The following SAMMSON variants were observed in gnomAD, a reference collection of about 807,000 sequenced individuals.
SAMMSON encodes long intergenic non-protein coding RNA 1212.
chr3:70,100,525 G>C (rs796722825), intron 4 of SAMMSON, among the ~76,000 whole-genome samples: 1 of 45,522 alleles, frequency 2.2e-5, no homozygotes, highest in African/African-American at 1.1e-4. Flanking sequence ...TGGGGGGGGG[G>C]GGGGGGGGAA....
rs896108734 is a variant in SAMMSON at position 70,126,551 on chromosome 3, A to G, written n.507+54986A>G. ...AAGAGTTCGGTCGGCCGAGGCAGGG[A>G]AAGTGGGGAGGAGCTTGTGCATCCC... On this transcript the variant is annotated intron_variant and non_coding_transcript_variant, in intron 4 of 9. Transcript: ENST00000642114. The G allele has an allele frequency of 5.4e-6, 3 of 551,294 alleles. No individual in the cohort carries two copies. In the African/African-American group the frequency reaches 5.7e-5, roughly 10 times the overall value. The allele number at this position is 551,294 out of a possible 1,614,324, so 34.2% of individuals were successfully genotyped here.
At chr3:70,014,501 C>T (rs970568565) in intron 3 of SAMMSON, 3 of 152,170 alleles carry the variant, frequency 2.0e-5, no homozygotes, top group African/African-American at 7.2e-5. Flanking sequence ...GCAGTCAAAA[C>T]AAAACCATTA....
chr3:70,296,933 G>C (rs1006150234), intron 7 of SAMMSON, among the ~76,000 whole-genome samples: 2 of 151,804 alleles, frequency 1.3e-5, no homozygotes, highest in African/African-American at 4.8e-5. Context: ...AATCCAGTGT[G>C]ATCTGCCTCT....
intron 4 of SAMMSON, among the ~76,000 whole-genome samples, chr3:70,090,757 T>C (rs1280640818): frequency 1.3e-5 from 2 of 150,530 alleles, no homozygotes; most frequent in African/African-American, 4.9e-5. Flanking sequence ...CCTTTCCATG[T>C]CAAATTGCTT....
intron 8 of SAMMSON, among the ~76,000 whole-genome samples, chr3:70,357,022 G>C (rs1381194464): frequency 6.6e-6 from 1 of 152,174 alleles, no homozygotes; most frequent in Non-Finnish European, 1.5e-5. Context: ...AATTAGTAGA[G>C]CCTGTAATCT....
chr3:70,107,704 T>C (rs750823259), intron 4 of SAMMSON, among the ~76,000 whole-genome samples: 2 of 151,662 alleles, frequency 1.3e-5, no homozygotes, highest in Non-Finnish European at 2.9e-5. Flanking sequence ...AAAAGGAAAA[T>C]AGATTTGTCA....
chr3:70,341,601 T>TA (rs1702710681), intron 7 of SAMMSON, among the ~76,000 whole-genome samples: 2 of 152,128 alleles, frequency 1.3e-5, no homozygotes, highest in African/African-American at 4.8e-5. Context: ...TTCCTTCTTA[T>TA]ATAAGAAGAC....
chr3:70,162,183 G>A (rs1217485863), intron 4 of SAMMSON, among the ~76,000 whole-genome samples: 1 of 151,532 alleles, frequency 6.6e-6, no homozygotes, highest in African/African-American at 2.4e-5. Context: ...ACTGCCTTGG[G>A]CTTAATTTCT....
In SAMMSON at chr3:70,024,122, C is replaced by G. The variant is rs530949413; in HGVS notation, n.417+10450C>G. The stretch of plus-strand genomic sequence containing the variant: ...ATTGCACTCTCATTATTCTGTCTGT[C>G]TCATTTCCTCAGTTAGATTGGCAGT... On this transcript the variant is annotated intron_variant and non_coding_transcript_variant, in intron 3 of 9. Coordinates refer to ENST00000642114, the Ensembl canonical transcript of SAMMSON. Among the ~76,000 whole-genome samples, 6 of 152,306 alleles carry G rather than the reference C, an allele frequency of 3.9e-5. No homozygotes were observed. The East Asian group carries it at 1.2e-3, about 29-fold the overall frequency.
intron 2 of SAMMSON, among the ~76,000 whole-genome samples, chr3:70,432,285 T>G (rs1462170581): frequency 6.6e-6 from 1 of 151,904 alleles, no homozygotes; most frequent in Non-Finnish European, 1.5e-5. Flanking sequence ...ACTGTTAATA[T>G]CTCTTCTTTT....
intron 4 of SAMMSON, among the ~76,000 whole-genome samples, chr3:70,231,944 A>T (rs1701563563): frequency 6.6e-6 from 1 of 152,142 alleles, no homozygotes; most frequent in Non-Finnish European, 1.5e-5. Context: ...ACAGTCGTGT[A>T]TTCTTGACAG....
chr3:70,255,860 T>A (rs1701810616), intron 6 of SAMMSON, among the ~76,000 whole-genome samples: 1 of 152,200 alleles, frequency 6.6e-6, no homozygotes, highest in Non-Finnish European at 1.5e-5. Context: ...CTTTAGAAAA[T>A]GCTTTAACTT....
intron 7 of SAMMSON, among the ~76,000 whole-genome samples, chr3:70,338,816 G>A (rs1387687390): frequency 1.3e-5 from 2 of 152,096 alleles, no homozygotes; most frequent in Non-Finnish European, 2.9e-5. Context: ...CATGAAAATG[G>A]CCATACTGCC....
At chr3:70,069,162 A>G (rs1312538441) in intron 3 of SAMMSON, 1 of 152,140 alleles carries the variant, frequency 6.6e-6, no homozygotes, top group Non-Finnish European at 1.5e-5. Context: ...GAAAACCTAA[A>G]AGTACCATCA....
intron 3 of SAMMSON, chr3:70,030,657 A>G (rs1332092766): frequency 6.6e-6 from 1 of 152,206 alleles, no homozygotes; most frequent in Non-Finnish European, 1.5e-5. Context: ...AATTTTAAGC[A>G]TGTGTTTGTC....
chr3:70,324,632 T>C (rs1313886907), intron 7 of SAMMSON, among the ~76,000 whole-genome samples: 1 of 152,156 alleles, frequency 6.6e-6, no homozygotes, highest in Non-Finnish European at 1.5e-5. Context: ...AACTTAAAAT[T>C]CCCATTTAGT....
At chr3:70,352,538 A>G (rs1272697472) in intron 7 of SAMMSON, among the ~76,000 whole-genome samples, 1 of 152,156 alleles carries the variant, frequency 6.6e-6, no homozygotes, top group Non-Finnish European at 1.5e-5. Context: ...AAAGAAAACA[A>G]TGAAAATTCC....
chr3:70,130,681 C>A (rs1321507484), intron 4 of SAMMSON, among the ~76,000 whole-genome samples: 1 of 152,006 alleles, frequency 6.6e-6, no homozygotes, highest in African/African-American at 2.4e-5. Context: ...TTGAGGAAGC[C>A]CAGGCCACAT....
chr3:70,429,593 C>G (rs1049255603), intron 2 of SAMMSON, among the ~76,000 whole-genome samples: 13 of 152,142 alleles, frequency 8.5e-5, no homozygotes, highest in African/African-American at 3.1e-4. Context: ...TTCTTCCTAT[C>G]CATGAGCATT....
Sources: gnomAD v4.1 joint callset for allele counts (sites outside exome capture counted in the v4.1 genomes callset) on GRCh38, gnomAD v4.1.1 for gene constraint, MANE v1.5 for transcripts, NCBI Gene and HGNC (gene_info 2026-07-23, HGNC 2026-07-21) for gene names.